Variants in PTPDC1 observed in about 807,000 individuals in gnomAD.
The protein encoded by PTPDC1 is protein tyrosine phosphatase domain-containing protein 1.
PTPDC1 carries 53 observed loss-of-function variants against 75.3 expected under a neutral mutation model. The observed-to-expected ratio is 0.70, with a 90% confidence interval of 0.56 to 0.88. The LOEUF is 0.88. PTPDC1 is among the 40% of genes least tolerant of loss of function. PTPDC1 has a pLI of 0.00. For synonymous variants in PTPDC1, 349 were observed against 366.2 expected (o/e 0.95, Z 0.54); for missense variants, 925 against 998.6 (o/e 0.93, Z 0.99).
chr9:94,053,940 G>A (rs190842106), intron 1 of PTPDC1, among the ~76,000 whole-genome samples: 1 of 152,354 alleles, frequency 6.6e-6, no homozygotes, highest in African/African-American at 2.4e-5. Flanking sequence ...CCGGCATTCA[G>A]AGAGATTAAG....
intron 1 of PTPDC1, among the ~76,000 whole-genome samples, chr9:94,052,038 T>G (rs955806084): frequency 6.6e-6 from 1 of 152,088 alleles, no homozygotes; most frequent in Non-Finnish European, 1.5e-5. Flanking sequence ...TCCCATAAAT[T>G]TTGATGTTGT....
chr9:94,042,290 A>G (rs1357720602), intron 1 of PTPDC1, among the ~76,000 whole-genome samples: 2 of 152,004 alleles, frequency 1.3e-5, no homozygotes, highest in Non-Finnish European at 2.9e-5. Flanking sequence ...TTCATTTCCA[A>G]AGTTTCTTAA....
chr9:94,067,398 A>AT (rs1277832188), intron 2 of PTPDC1, among the ~76,000 whole-genome samples: 6 of 105,900 alleles, frequency 5.7e-5, no homozygotes, highest in South Asian at 5.7e-4. Context: ...TCAAAAAAAA[A>AT]AAATAATAAT....
At chr9:94,037,335 A>G (rs189834666) in intron 1 of PTPDC1, among the ~76,000 whole-genome samples, 4 of 152,354 alleles carry the variant, frequency 2.6e-5, no homozygotes, top group Admixed American at 2.6e-4. Flanking sequence ...TTTAAAAATA[A>G]CATTGTTTTC....
At chr9:94,032,260 C>G (rs150963708) in intron 1 of PTPDC1, among the ~76,000 whole-genome samples, 2,218 of 152,282 alleles carry the variant, frequency 0.015, 41 homozygotes, top group African/African-American at 0.05. Flanking sequence ...AAAATCTCAG[C>G]TCCCACTCCA....
At chr9:94,065,383 G>A (rs751276431) in intron 2 of PTPDC1, among the ~76,000 whole-genome samples, 19 of 152,222 alleles carry the variant, frequency 1.2e-4, no homozygotes, top group Admixed American at 3.9e-4. Context: ...TTAGCCAAGG[G>A]AGATGTTAAG....
chr9:94,048,657 G>A (rs1395333322), intron 1 of PTPDC1, among the ~76,000 whole-genome samples: 3 of 152,128 alleles, frequency 2.0e-5, no homozygotes, highest in Admixed American at 6.5e-5. Flanking sequence ...GGTGTGGTGT[G>A]GTGCTGGAAA....
intron 1 of PTPDC1, among the ~76,000 whole-genome samples, chr9:94,058,737 C>T (rs1031326855): frequency 3.3e-5 from 5 of 151,106 alleles, no homozygotes; most frequent in South Asian, 2.1e-4. Flanking sequence ...TTAAAAACCC[C>T]GGACATTTTG....
At chr9:94,086,404 G>A (rs151053663) in intron 2 of PTPDC1, among the ~76,000 whole-genome samples, 1 of 152,084 alleles carries the variant, frequency 6.6e-6, no homozygotes, top group African/African-American at 2.4e-5. Flanking sequence ...CTGCTTTCAC[G>A]TTACATCCCC....
At chr9:94,080,625 T>C (rs1826845687), upstream of PTPDC1, among the ~76,000 whole-genome samples, 1 of 152,214 alleles carries the variant, frequency 6.6e-6, no homozygotes, top group African/African-American at 2.4e-5. Flanking sequence ...GGAAACTGCA[T>C]GCCCAAATTG....
chr9:94,063,077 G>GA (rs1452561461), intron 1 of PTPDC1, among the ~76,000 whole-genome samples: 7 of 152,160 alleles, frequency 4.6e-5, no homozygotes, highest in Admixed American at 3.9e-4. Context: ...TGAGGGCAGG[G>GA]AAAGCTTCAC....
At chr9:94,053,425 G>C (rs1825842463) in intron 1 of PTPDC1, among the ~76,000 whole-genome samples, 1 of 152,036 alleles carries the variant, frequency 6.6e-6, no homozygotes, top group African/African-American at 2.4e-5. Context: ...GGACATTTCA[G>C]TTTAAAAGAA....
Position 94,097,549 on chromosome 9 carries a change from T to C in PTPDC1, c.983T>C (p.Leu328Pro). Residue 328 changes from leucine to proline, a missense_variant, in exon 6 of 9, where the codon CTT becomes CCT. Physicochemically the swap from Leu to Pro is moderately conservative, Grantham distance 98. Transcript: ENST00000620992. ...TATCTAATTCGCCAGCGTCATCTGC[T>C]TCATGGTTATGAGGCACGACTTCTG... ...PQYLIRQRHL[L>P]HGYEARLLKH... 1 of 1,614,116 alleles carries C rather than the reference T, an allele frequency of 6.2e-7. No homozygotes were observed. Among genetic ancestry groups the C allele is most frequent in the African/African-American group, 1.3e-5 (1 of 75,058 alleles).
chr9:94,063,804 A>G (rs773637610), intron 1 of PTPDC1, among the ~76,000 whole-genome samples: 7 of 152,222 alleles, frequency 4.6e-5, no homozygotes, highest in Non-Finnish European at 1.0e-4. Flanking sequence ...TATTGGTACA[A>G]GAATTTCAAC....
chr9:94,085,135 G>A, intron 1 of PTPDC1, 116 bp from the exon 2 acceptor site: 1 of 840,208 alleles, frequency 1.2e-6, no homozygotes, highest in Admixed American at 2.8e-5. Flanking sequence ...CAAGATGAAG[G>A]TGATTTTGCA....
Position 94,092,283 on chromosome 9 carries a change from G to A in PTPDC1, c.617-3034G>A, listed in dbSNP as rs535261057. Among the ~76,000 whole-genome samples, 9 of 140,610 alleles carry A rather than the reference G, an allele frequency of 6.4e-5. No homozygotes were observed. The South Asian group carries it at 1.7e-3, about 27-fold the overall frequency. 92.2% of individuals were successfully genotyped at this position (140,610 alleles called of 152,430 possible). On this transcript the variant is annotated intron_variant, in intron 4 of 8. Transcript: ENST00000620992. Reference sequence around the variant, plus strand: ...CGTCCCAGAGATTCTGGTATGTTGTGTCTTTGTTCTCGTTGGTTTCAAAGA... The same window carrying A: ...CGTCCCAGAGATTCTGGTATGTTGTATCTTTGTTCTCGTTGGTTTCAAAGA...
upstream of PTPDC1, among the ~76,000 whole-genome samples, chr9:94,079,700 A>C (rs1050069374): frequency 6.6e-6 from 1 of 152,200 alleles, no homozygotes; most frequent in Admixed American, 6.5e-5. Flanking sequence ...TTGTAGGGGG[A>C]GAGCTTCAGA....
intron 1 of PTPDC1, among the ~76,000 whole-genome samples, chr9:94,041,609 G>C (rs188179145): frequency 6.8e-4 from 103 of 152,290 alleles, no homozygotes; most frequent in African/African-American, 2.4e-3. Context: ...TTGCTGGCCA[G>C]TTTTAACTTA....
intron 5 of PTPDC1, among the ~76,000 whole-genome samples, chr9:94,096,104 T>A (rs917177116): frequency 6.6e-6 from 1 of 152,238 alleles, no homozygotes; most frequent in Non-Finnish European, 1.5e-5. Flanking sequence ...AACATTCAGC[T>A]GAATTTCATT....
Sources: allele counts gnomAD v4.1 joint callset (sites outside exome capture counted in the v4.1 genomes callset), GRCh38; gene constraint gnomAD v4.1.1; transcripts MANE v1.5; gene names NCBI Gene and HGNC (gene_info 2026-07-23, HGNC 2026-07-21).